Variants in ZNF536 observed in about 807,000 individuals in gnomAD.
The protein encoded by ZNF536 is zinc finger protein 536.
In ZNF536, 13 loss-of-function variants were observed where a neutral mutation model predicts 84.5. The observed-to-expected ratio is 0.15, with a 90% CI of 0.10 to 0.24. The LOEUF (loss-of-function observed/expected upper bound fraction) is 0.24, where lower values mean the gene tolerates loss of function less well. Among genes scored for constraint, ZNF536 ranks in the 10% least tolerant of loss-of-function variants. ZNF536 has a pLI of 1.00. For synonymous variants in ZNF536, 811 were observed against 742.5 expected (o/e 1.09, Z -1.50); for missense variants, 1,536 against 1,747.5 (o/e 0.88, Z 2.16).
At chr19:30,545,028 G>T (rs1210594945) in intron 3 of ZNF536, among the ~76,000 whole-genome samples, 1 of 152,124 alleles carries the variant, frequency 6.6e-6, no homozygotes, top group Non-Finnish European at 1.5e-5. Flanking sequence ...CACTTCCAAG[G>T]AAGGCTGCCT....
intron 2 of ZNF536, among the ~76,000 whole-genome samples, chr19:30,340,630 C>T (rs1424605800): frequency 6.6e-6 from 1 of 152,180 alleles, no homozygotes; most frequent in Non-Finnish European, 1.5e-5. Flanking sequence ...GGAGAGTCAG[C>T]AGTCTCTAAA....
intron 2 of ZNF536, among the ~76,000 whole-genome samples, chr19:30,287,271 ATTGATGAATGGATGGC>A (rs2045663794): frequency 1.5e-5 from 2 of 133,444 alleles, no homozygotes; most frequent in African/African-American, 5.7e-5. Context: ...GGATGGATGG[ATTGATGAATGGATGGC>A]TGGATGGATG....
At chr19:30,528,146 CA>C (rs2044667373) in intron 2 of ZNF536, among the ~76,000 whole-genome samples, 1 of 152,160 alleles carries the variant, frequency 6.6e-6, no homozygotes, top group Admixed American at 6.6e-5. Flanking sequence ...CCAGGGTGTT[CA>C]CAGAGTTAGT....
At chr19:30,683,272 A>T (rs1003806158) in intron 1 of ZNF536, among the ~76,000 whole-genome samples, 5 of 152,222 alleles carry the variant, frequency 3.3e-5, no homozygotes, top group Non-Finnish European at 7.3e-5. Flanking sequence ...GTTTCTGCCT[A>T]ATATCAAATG....
intron 2 of ZNF536, among the ~76,000 whole-genome samples, chr19:30,326,813 T>TTTTTTTTG (rs2047052922): frequency 7.2e-6 from 1 of 139,176 alleles, no homozygotes; most frequent in Non-Finnish European, 1.5e-5. Flanking sequence ...TTTTTTTTTT[T>TTTTTTTTG]TTTTTGTTTT....
In ZNF536 at chr19:30,650,220, A is replaced by C. The variant is rs142623957; in HGVS notation, c.170-60537A>C. Among the ~76,000 whole-genome samples, 641 of 152,348 alleles carry C rather than the reference A, an allele frequency of 4.2e-3. 8 individuals carry two copies. Among genetic ancestry groups the C allele is most frequent in the African/African-American group, 0.014 (599 of 41,586 alleles). ...AGAGGCCATTGCGAAAATACTTCAA[A>C]GGGATGATCTGCAAACAAGGACAAA... On this transcript the variant is annotated intron_variant, in intron 1 of 1. Transcript: ENST00000592773.
At chr19:30,597,868 G>C (rs890427459) in intron 1 of ZNF536, among the ~76,000 whole-genome samples, 1 of 150,912 alleles carries the variant, frequency 6.6e-6, no homozygotes, top group Non-Finnish European at 1.5e-5. Flanking sequence ...TGTTGTTATT[G>C]ATATGTGTAT....
At chr19:30,236,843 G>A (rs1053302821) in intron 1 of ZNF536, among the ~76,000 whole-genome samples, 10 of 152,234 alleles carry the variant, frequency 6.6e-5, no homozygotes, top group South Asian at 4.1e-4. Context: ...GTGTATGCCC[G>A]GCATGTTGGC....
At chr19:30,630,197 TCATC>T (rs1171699035) in intron 1 of ZNF536, among the ~76,000 whole-genome samples, 3 of 152,240 alleles carry the variant, frequency 2.0e-5, no homozygotes, top group Admixed American at 2.0e-4. Flanking sequence ...GGGGCATTCT[TCATC>T]CATTCATTCT....
Position 30,267,054 on chromosome 19 carries a change from G to A in ZNF536, c.-189-17018G>A, listed in dbSNP as rs1401530256. Among the ~76,000 whole-genome samples, 4 of 152,336 alleles carry A rather than the reference G, an allele frequency of 2.6e-5. No individual in the cohort carries two copies. In the South Asian group the frequency reaches 8.3e-4, roughly 32 times the overall value. On this transcript the variant is annotated intron_variant, in intron 1 of 5. Transcript: ENST00000585628. ...GAAGCTGAGTGCAGATGGCAGAGTGGAAGAAATGGATCACTAATTTTAACA... is the reference window on the plus strand; with the variant it reads ...GAAGCTGAGTGCAGATGGCAGAGTGAAAGAAATGGATCACTAATTTTAACA...
intron 1 of ZNF536, among the ~76,000 whole-genome samples, chr19:30,574,815 A>C (rs1681145226): frequency 6.6e-6 from 1 of 152,228 alleles, no homozygotes; most frequent in Non-Finnish European, 1.5e-5. Context: ...TAAAACTAAA[A>C]ATACATTTTT....
intron 2 of ZNF536, among the ~76,000 whole-genome samples, chr19:30,314,210 T>C (rs1248217829): frequency 6.6e-6 from 1 of 152,136 alleles, no homozygotes; most frequent in African/African-American, 2.4e-5. Flanking sequence ...GGGACCCCTC[T>C]GGGGCAGGGC....
intron 2 of ZNF536, among the ~76,000 whole-genome samples, chr19:30,478,480 G>A (rs2053943206): frequency 6.6e-6 from 1 of 152,100 alleles, no homozygotes; most frequent in Admixed American, 6.5e-5. Flanking sequence ...GAAGCTCATG[G>A]GTTTTGGGCT....
intron 2 of ZNF536, among the ~76,000 whole-genome samples, chr19:30,316,943 G>A (rs1392079604): frequency 6.6e-6 from 1 of 152,156 alleles, no homozygotes; most frequent in Non-Finnish European, 1.5e-5. Context: ...AGGAGCCTAG[G>A]GACATGGGGA....
chr19:30,670,248 C>T (rs2050493683), intron 1 of ZNF536, among the ~76,000 whole-genome samples: 1 of 152,218 alleles, frequency 6.6e-6, no homozygotes, highest in South Asian at 2.1e-4. Context: ...TCTGAGACTC[C>T]TCCCCTCCTG....
chr19:30,664,644 G>A (rs1053215611), intron 1 of ZNF536, among the ~76,000 whole-genome samples: 1 of 151,638 alleles, frequency 6.6e-6, no homozygotes, highest in African/African-American at 2.4e-5. Context: ...TCCCTGGCAC[G>A]TAGTACCATT....
chr19:30,673,349 G>A (rs575156689), intron 1 of ZNF536, among the ~76,000 whole-genome samples: 2 of 152,214 alleles, frequency 1.3e-5, no homozygotes, highest in South Asian at 4.2e-4. Flanking sequence ...ATTCCAATAT[G>A]AATTTTTTCA....
chr19:30,655,342 A>G (rs1329290897), intron 1 of ZNF536, among the ~76,000 whole-genome samples: 2 of 152,214 alleles, frequency 1.3e-5, no homozygotes, highest in Non-Finnish European at 2.9e-5. Flanking sequence ...AATGTGAATA[A>G]AAGAATCTAT....
At chr19:30,459,354 C>CTT (rs1257308245) in intron 2 of ZNF536, among the ~76,000 whole-genome samples, 40 of 99,442 alleles carry the variant, frequency 4.0e-4, no homozygotes, top group African/African-American at 1.1e-3. Context: ...TTCTTTCTCT[C>CTT]TTTTTTTTTT....
Sources: gnomAD v4.1 joint callset for allele counts (sites outside exome capture counted in the v4.1 genomes callset) on GRCh38, gnomAD v4.1.1 for gene constraint, MANE v1.5 for transcripts, NCBI Gene and HGNC (gene_info 2026-07-23, HGNC 2026-07-21) for gene names.